PDIA6: variants seen among roughly 807,000 people sequenced by gnomAD.
PDIA6 encodes the protein protein disulfide isomerase family A member 6, also known as protein disulfide-isomerase A6.
In PDIA6, 29 loss-of-function variants were observed where a neutral mutation model predicts 58.4. The observed-to-expected ratio is 0.50, with a 90% CI of 0.37 to 0.68. PDIA6 has a LOEUF of 0.68. Ranked by LOEUF, PDIA6 falls within the 30% of genes least tolerant of loss-of-function variation. The probability of loss-of-function intolerance (pLI) is 0.00; values close to 1 mark genes in which losing one functional copy is unlikely to be tolerated. For missense variants in PDIA6, 480 were observed against 551.0 expected (o/e 0.87, Z 1.29); for synonymous variants, 192 against 202.6 (o/e 0.95, Z 0.44).
upstream of PDIA6, among the ~76,000 whole-genome samples, chr2:10,837,271 C>T (rs758416894): frequency 4.6e-5 from 7 of 152,298 alleles, no homozygotes; most frequent in South Asian, 6.2e-4. Context: ...GAGGGGCTGA[C>T]GTCCTCACAA....
chr2:10,791,473 C>T (rs1666034088), intron 6 of PDIA6, among the ~76,000 whole-genome samples: 4 of 152,170 alleles, frequency 2.6e-5, no homozygotes, highest in Admixed American at 2.6e-4. Context: ...CTGTGCATTT[C>T]TGCCCAATCC....
In PDIA6 at chr2:10,784,331, G is replaced by C. The variant is rs756185278; in HGVS notation, c.1255-5C>G. On this transcript the variant is annotated splice_region_variant and splice_polypyrimidine_tract_variant and intron_variant, in intron 12 of 12. Coordinates refer to ENST00000272227, the MANE Select transcript of PDIA6 (RefSeq NM_005742.4). ...AATGTCATCCTCCACGGGAAGCTGGGAGACGACAGAAAGCCACTGTTAGAT... is the reference window on the plus strand; with the variant it reads ...AATGTCATCCTCCACGGGAAGCTGGCAGACGACAGAAAGCCACTGTTAGAT... 185 of 1,611,702 alleles carry C rather than the reference G, an allele frequency of 1.1e-4. No individual in the cohort carries two copies. The highest frequency in any genetic ancestry group is 1.5e-4 in the Non-Finnish European group (175 of 1,179,238).
At chr2:10,798,974 G>A (rs181775948) in intron 2 of PDIA6, among the ~76,000 whole-genome samples, 8 of 152,310 alleles carry the variant, frequency 5.3e-5, no homozygotes, top group South Asian at 2.1e-4. Context: ...AAAGCATGAC[G>A]TGACACCACA....
chr2:10,818,321 A>C (rs367680097), intron 2 of PDIA6, among the ~76,000 whole-genome samples: 77 of 149,748 alleles, frequency 5.1e-4, no homozygotes, highest in African/African-American at 1.8e-3. Flanking sequence ...GCCACAACAC[A>C]CCTGACTAAT....
At chr2:10,788,599 CAT>C in intron 10 of PDIA6, 96 bp downstream of exon 10, 2 of 813,106 alleles carry the variant, frequency 2.5e-6, no homozygotes, top group Non-Finnish European at 4.2e-6. Context: ...GCAGAGCAAA[CAT>C]AGAACACAGC....
At chr2:10,831,437 G>A (rs551879069) in intron 1 of PDIA6, among the ~76,000 whole-genome samples, 1 of 152,206 alleles carries the variant, frequency 6.6e-6, no homozygotes, top group South Asian at 2.1e-4. Context: ...AGCCTCTTCT[G>A]GCATGGTGGC....
At chr2:10,816,367 T>G (rs13417569), upstream of PDIA6, among the ~76,000 whole-genome samples, 4,511 of 149,114 alleles carry the variant, frequency 0.03, 255 homozygotes, top group African/African-American at 0.11. Context: ...ATTATAGGCG[T>G]GGGCCACCAT....
intron 7 of PDIA6, 88 bp from the exon 8 acceptor site, chr2:10,789,977 G>T: frequency 5.2e-5 from 58 of 1,114,696 alleles, no homozygotes; most frequent in Non-Finnish European, 6.2e-5. Context: ...CACCTTATAG[G>T]TAATTTTTTT....
upstream of PDIA6, among the ~76,000 whole-genome samples, chr2:10,817,200 C>T (rs185359807): frequency 2.6e-5 from 4 of 152,342 alleles, no homozygotes; most frequent in East Asian, 7.7e-4. Flanking sequence ...ACCTTGATTA[C>T]TCTCTAATTT....
chr2:10,794,142 C>T (rs1666160542), intron 4 of PDIA6, among the ~76,000 whole-genome samples: 1 of 152,154 alleles, frequency 6.6e-6, no homozygotes, highest in African/African-American at 2.4e-5. Context: ...CTAATAGAAT[C>T]TCTTTAGAAA....
intron 2 of PDIA6, chr2:10,819,265 T>C: frequency 1.3e-6 from 2 of 1,498,828 alleles, no homozygotes; most frequent in Non-Finnish European, 1.8e-6. Flanking sequence ...GGGAGTTTCC[T>C]CTACTTACCG....
intron 1 of PDIA6, among the ~76,000 whole-genome samples, chr2:10,806,401 T>C (rs1324446389): frequency 6.6e-6 from 1 of 150,604 alleles, no homozygotes; most frequent in East Asian, 2.0e-4. Context: ...AATATTTTTG[T>C]ACTGCTGTTT....
chr2:10,810,150 T>G, intron 1 of PDIA6: 2 of 705,928 alleles, frequency 2.8e-6, no homozygotes, highest in Non-Finnish European at 2.5e-6. Flanking sequence ...ACATTTTGCA[T>G]ATATTAAGTC....
intron 2 of PDIA6, among the ~76,000 whole-genome samples, chr2:10,818,495 T>G (rs1384287855): frequency 8.2e-6 from 1 of 121,304 alleles, no homozygotes; most frequent in South Asian, 2.6e-4. Context: ...TATTTATTTA[T>G]TTATTTATTT....
chr2:10,815,852 A>G (rs1315054598), upstream of PDIA6, among the ~76,000 whole-genome samples: 1 of 152,078 alleles, frequency 6.6e-6, no homozygotes, highest in East Asian at 1.9e-4. Context: ...GTCAGCATCC[A>G]TTTTTAAGTG....
intron 1 of PDIA6, among the ~76,000 whole-genome samples, chr2:10,829,790 G>A (rs1489879772): frequency 6.6e-6 from 1 of 152,138 alleles, no homozygotes; most frequent in African/African-American, 2.4e-5. Flanking sequence ...TTGGAGGTGA[G>A]CTCTGAAGTC....
chr2:10,806,628 C>CGAAAGAA (rs1553339930), intron 1 of PDIA6, among the ~76,000 whole-genome samples: 31 of 70,352 alleles, frequency 4.4e-4, no homozygotes, highest in East Asian at 1.4e-3. Flanking sequence ...AAAATAAAGA[C>CGAAAGAA]AGAAAGAAAG....
In PDIA6 at chr2:10,793,138, A is replaced by T; in HGVS notation, c.411T>A (p.Asp137Glu). The change falls in exon 5 of 13, where the codon GAT (aspartate) becomes GAA (glutamate). Residue 137 changes from aspartate (D) to glutamate (E), a missense_variant. Coordinates refer to ENST00000272227, the MANE Select transcript of PDIA6 (RefSeq NM_005742.4). ...ATCCTCCGCTCCGTCCCCCGAGGCG[A>T]TCCTTCACGAGCTGGCGCAGAGCAC... ...ALSALRQLVK[D>E]RLGGRSGGYS... 1 of 1,614,110 alleles carries T rather than the reference A, an allele frequency of 6.2e-7. No individual in the cohort carries two copies. The highest frequency in any genetic ancestry group is 1.1e-5 in the South Asian group (1 of 91,084).
chr2:10,835,632 C>G (rs1211001657), upstream of PDIA6, among the ~76,000 whole-genome samples: 1 of 152,180 alleles, frequency 6.6e-6, no homozygotes, highest in African/African-American at 2.4e-5. Flanking sequence ...CTCCGACCCA[C>G]GAGGAAACCC....
Sources: allele counts gnomAD v4.1 joint callset (sites outside exome capture counted in the v4.1 genomes callset), GRCh38; gene constraint gnomAD v4.1.1; transcripts MANE v1.5; gene names NCBI Gene and HGNC (gene_info 2026-07-23, HGNC 2026-07-21).